ZNF550: variants seen among roughly 807,000 people sequenced by gnomAD.
ZNF550 encodes zinc finger protein 550.
ZNF550 carries 42 observed loss-of-function variants against 40.2 expected under a neutral mutation model. That is an observed-to-expected ratio of 1.05 (90% CI 0.82 to 1.35). The LOEUF is 1.35. Ranked by LOEUF, ZNF550 falls within the 40% of genes most tolerant of loss-of-function variation. The pLI is 0.00. For synonymous variants in ZNF550, 223 were observed against 198.6 expected, an observed-to-expected ratio of 1.12 and a Z score of -1.03; for missense variants, 549 against 525.2, an observed-to-expected ratio of 1.05 and a Z score of -0.44.
chr19:57,553,210 T>A (rs1342998023), intron 2 of ZNF550: 1 of 152,674 alleles, frequency 6.5e-6, no homozygotes, highest in Non-Finnish European at 1.5e-5. Context: ...ACCCAATCCA[T>A]GACATTTTAT....
At chr19:57,542,321 C>T (rs376342407) in exon 5 of ZNF550, 7 of 148,778 alleles carry the variant, frequency 4.7e-5, no homozygotes, top group Admixed American at 2.7e-4. Flanking sequence ...CACCATATGA[C>T]CTAGCCATTC....
At chr19:57,546,616 A>C in exon 4 of ZNF550, 1 of 1,021,422 alleles carries the variant, frequency 9.8e-7, no homozygotes, top group Non-Finnish European at 1.2e-6. Context: ...CTCAGATAGT[A>C]AGATTTCTGC....
intron 4 of ZNF550, chr19:57,543,637 T>G (rs552236357): frequency 1.0e-6 from 1 of 985,364 alleles, no homozygotes; most frequent in Non-Finnish European, 1.2e-6. Context: ...AACATGAACA[T>G]GAAAACGTTT....
chr19:57,542,593 G>A (rs150221186), exon 5 of ZNF550: 2 of 151,626 alleles, frequency 1.3e-5, no homozygotes, highest in Non-Finnish European at 1.5e-5. Flanking sequence ...TGTAGTTTGA[G>A]TGAAAAAGAA....
chr19:57,559,604 GC>G, intron 1 of ZNF550, 51 bp downstream of exon 1: 1 of 1,446,210 alleles, frequency 6.9e-7, no homozygotes, highest in South Asian at 1.3e-5. Context: ...CGCTCGTCGG[GC>G]CCGGGACACT....
intron 2 of ZNF550, chr19:57,553,621 T>C (rs1254216354): frequency 1.3e-5 from 2 of 152,114 alleles, no homozygotes; most frequent in Non-Finnish European, 2.9e-5. Flanking sequence ...ATTCACAATA[T>C]TGGTCAGGCT....
chr19:57,556,463 C>A, intron 1 of ZNF550, 106 bp from the exon 2 acceptor site: 1 of 1,441,420 alleles, frequency 6.9e-7, no homozygotes, highest in South Asian at 1.3e-5. Context: ...AGGTCTGAAT[C>A]AACTAGGTCT....
intron 1 of ZNF550, 88 bp downstream of exon 1, chr19:57,559,568 A>C: frequency 7.5e-7 from 1 of 1,338,002 alleles, no homozygotes; most frequent in Non-Finnish European, 1.0e-6. Flanking sequence ...GACTGCACTG[A>C]GGACGACCCT....
At chr19:57,556,185 G>A in intron 2 of ZNF550, 46 bp downstream of exon 2, 1 of 1,613,092 alleles carries the variant, frequency 6.2e-7, no homozygotes. Context: ...GCCTGGCCAA[G>A]AATCAGGGTT....
chr19:57,552,800 TGACAG>T, intron 2 of ZNF550, 78 bp from the exon 3 acceptor site: 1 of 1,091,850 alleles, frequency 9.2e-7, no homozygotes. Flanking sequence ...TAGGACTTCA[TGACAG>T]GGTCCAGACA....
intron 4 of ZNF550, among the ~76,000 whole-genome samples, chr19:57,545,677 T>C (rs2090002198): frequency 6.6e-6 from 1 of 152,042 alleles, no homozygotes; most frequent in South Asian, 2.1e-4. Context: ...AGTCTAGCAG[T>C]TTGAGACAAA....
At chr19:57,547,159 T>C (rs1437491569) in exon 4 of ZNF550, 3 of 1,611,292 alleles carry the variant, frequency 1.9e-6, no homozygotes, top group Admixed American at 1.7e-5. Flanking sequence ...GTGAATCCGC[T>C]GGTGCTGTAT....
intron 3 of ZNF550, among the ~76,000 whole-genome samples, chr19:57,552,073 C>G (rs1293429467): frequency 6.6e-6 from 1 of 152,204 alleles, no homozygotes; most frequent in African/African-American, 2.4e-5. Context: ...ATGCATAATA[C>G]TAACTAGCTG....
intron 2 of ZNF550, chr19:57,553,113 T>A (rs2090088310): frequency 1.2e-5 from 2 of 162,296 alleles, no homozygotes. Flanking sequence ...AAGAGAGGTC[T>A]CAATAGGAAT....
intron 4 of ZNF550, chr19:57,543,588 T>C (rs2089980580): frequency 3.0e-6 from 3 of 984,192 alleles, no homozygotes; most frequent in African/African-American, 1.7e-5. Flanking sequence ...CATAGTGCTT[T>C]TTATCTAATT....
intron 1 of ZNF550, 179 bp from the exon 2 acceptor site, chr19:57,556,536 A>G (rs191026648): frequency 1.6e-4 from 110 of 669,980 alleles, no homozygotes; most frequent in Admixed American, 3.8e-4. Context: ...TGACAATGCA[A>G]TTGTGCCTGA....
intron 3 of ZNF550, among the ~76,000 whole-genome samples, chr19:57,549,452 G>A (rs1279223985): frequency 6.6e-6 from 1 of 151,892 alleles, no homozygotes; most frequent in Admixed American, 6.6e-5. Context: ...TCTCAAAGAA[G>A]AAAAAGAAAA....
intron 1 of ZNF550, among the ~76,000 whole-genome samples, chr19:57,558,602 G>GCCTTAAAGATTCAGATGA (rs765583186): frequency 1.3e-5 from 2 of 152,144 alleles, no homozygotes; most frequent in Non-Finnish European, 2.9e-5. Flanking sequence ...ATGTCAGATG[G>GCCTTAAAGATTCAGATGA]CCTTAAAGAT....
rs150707350 is a variant in ZNF550 at position 57,547,207 on chromosome 19, A to C, written c.1037T>G (p.Met346Arg). 14 of 1,613,728 alleles carry C rather than the reference A, an allele frequency of 8.7e-6. No homozygotes were observed. In the Middle Eastern group the frequency reaches 4.9e-4, roughly 57 times the overall value. Residue 346 changes from methionine (M) to arginine (R), a missense_variant, in exon 4 of 5, where the codon ATG becomes AGG. Physicochemically the swap from Met to Arg is moderately conservative, Grantham distance 91. Coordinates refer to ENST00000457177, the Ensembl canonical transcript of ZNF550. Reference sequence around the variant, plus strand: ...GCATCTGAAGGCCTTTCCACATGCCATGCAATCATAGGGCTTCTCTCCAGT... The same window carrying C: ...GCATCTGAAGGCCTTTCCACATGCCCTGCAATCATAGGGCTTCTCTCCAGT...
Sources: gnomAD v4.1 joint callset for allele counts (sites outside exome capture counted in the v4.1 genomes callset) on GRCh38, gnomAD v4.1.1 for gene constraint, MANE v1.5 for transcripts, NCBI Gene and HGNC (gene_info 2026-07-23, HGNC 2026-07-21) for gene names.